Variants in NCAM2 observed in about 807,000 individuals in gnomAD.
NCAM2 encodes N-CAM-2.
In NCAM2, 30 loss-of-function variants were observed where a neutral mutation model predicts 98.1. The ratio of observed to expected loss-of-function variants is 0.31; its 90% CI spans 0.23 to 0.41. The LOEUF (loss-of-function observed/expected upper bound fraction) is 0.41. Ranked by LOEUF, NCAM2 falls within the 10% of genes least tolerant of loss-of-function variation. The pLI is 1.00. For missense variants in NCAM2, 867 were observed against 1,005.8 expected (o/e 0.86, Z 1.87); for synonymous variants, 368 against 342.4 (o/e 1.07, Z -0.83).
At chr21:21,435,485 G>A (rs764908820) in intron 12 of NCAM2, among the ~76,000 whole-genome samples, 15 of 152,144 alleles carry the variant, frequency 9.9e-5, no homozygotes, top group Non-Finnish European at 1.0e-4. Context: ...TTTTTCCTCC[G>A]CCTAGTTTTC....
chr21:21,193,580 C>T (rs1041388799), intron 1 of NCAM2, among the ~76,000 whole-genome samples: 5 of 148,198 alleles, frequency 3.4e-5, no homozygotes, highest in Non-Finnish European at 5.9e-5. Flanking sequence ...ACTGCAACCT[C>T]TGCTTCCTGG....
At chr21:21,022,138 G>A (rs1208467488) in intron 1 of NCAM2, among the ~76,000 whole-genome samples, 20 of 151,958 alleles carry the variant, frequency 1.3e-4, no homozygotes, top group Non-Finnish European at 2.9e-5. Context: ...TTAAAGATAA[G>A]CGTGCCCTTT....
At chr21:21,024,857 AGCCTGG>A (rs1267058575) in intron 1 of NCAM2, among the ~76,000 whole-genome samples, 1 of 151,862 alleles carries the variant, frequency 6.6e-6, no homozygotes, top group Non-Finnish European at 1.5e-5. Flanking sequence ...ACTTCACTCC[AGCCTGG>A]GCCAGAGAGG....
chr21:21,100,078 AAAC>A (rs1367505475), intron 1 of NCAM2, among the ~76,000 whole-genome samples: 2 of 151,996 alleles, frequency 1.3e-5, no homozygotes, highest in African/African-American at 4.8e-5. Context: ...ACATAGCCAA[AAAC>A]AGCAAAGAAA....
intron 1 of NCAM2, among the ~76,000 whole-genome samples, chr21:21,190,175 T>A (rs543864391): frequency 6.6e-6 from 1 of 152,244 alleles, no homozygotes; most frequent in East Asian, 1.9e-4. Context: ...CAGGCAGAAG[T>A]GGGGGAGAAA....
At chr21:21,048,977 T>C (rs893942196) in intron 1 of NCAM2, among the ~76,000 whole-genome samples, 10 of 151,642 alleles carry the variant, frequency 6.6e-5, no homozygotes, top group African/African-American at 2.4e-4. Context: ...TAGGAAATTT[T>C]ATATACTTTC....
intron 1 of NCAM2, among the ~76,000 whole-genome samples, chr21:21,214,803 A>G (rs1467259352): frequency 1.4e-5 from 2 of 146,492 alleles, no homozygotes; most frequent in African/African-American, 5.0e-5. Context: ...ACATATAGGT[A>G]TATATGTGTA....
chr21:21,180,216 C>G (rs2146903686), intron 1 of NCAM2, among the ~76,000 whole-genome samples: 1 of 152,262 alleles, frequency 6.6e-6, no homozygotes, highest in Middle Eastern at 3.4e-3. Context: ...CACAGTGTTA[C>G]ATTTTTCCAA....
Position 21,097,103 on chromosome 21 carries a change from A to G in NCAM2, c.55+98485A>G, listed in dbSNP as rs1050895634. Among the ~76,000 whole-genome samples, 15 of 151,802 alleles carry G rather than the reference A, an allele frequency of 9.9e-5. No individual in the cohort carries two copies. The East Asian group carries it at 2.9e-3, about 29-fold the overall frequency. ...TTCTTTCATTATACGTTTTTGGTAAACATCACGTGGGTTTTTCACTGGGAA... is the reference window on the plus strand; with the variant it reads ...TTCTTTCATTATACGTTTTTGGTAAGCATCACGTGGGTTTTTCACTGGGAA... On this transcript the variant is annotated intron_variant, in intron 1 of 17. Coordinates refer to ENST00000400546, the MANE Select transcript of NCAM2 (RefSeq NM_004540.5).
In NCAM2 at chr21:21,262,295, C is replaced by T. The variant is rs114368068; in HGVS notation, c.56-18283C>T. Among the ~76,000 whole-genome samples, 470 of 152,192 alleles carry T rather than the reference C, an allele frequency of 3.1e-3. 5 individuals are homozygous for T. Among genetic ancestry groups the T allele is most frequent in the African/African-American group, 0.011 (454 of 41,520 alleles). ...CCAGATGTACAAAGCAGAGCTAGTA[C>T]TAATCTTATTGAATATGTTTCTAAA... On this transcript the variant is annotated intron_variant, in intron 1 of 17. Transcript: ENST00000400546.
intron 1 of NCAM2, among the ~76,000 whole-genome samples, chr21:21,242,693 T>C (rs1457602061): frequency 6.6e-6 from 1 of 152,210 alleles, no homozygotes; most frequent in Non-Finnish European, 1.5e-5. Flanking sequence ...TAGTATTCCA[T>C]TGTGTATATA....
intron 14 of NCAM2, among the ~76,000 whole-genome samples, chr21:21,472,100 G>A (rs1459965569): frequency 7.2e-5 from 11 of 151,936 alleles, no homozygotes; most frequent in Non-Finnish European, 4.4e-5. Flanking sequence ...ATTTTTACAT[G>A]TTTCCATGAG....
At chr21:21,377,613 A>C (rs1370389745) in intron 9 of NCAM2, among the ~76,000 whole-genome samples, 1 of 151,840 alleles carries the variant, frequency 6.6e-6, no homozygotes, top group East Asian at 1.9e-4. Context: ...GTACAATGTA[A>C]TTTTTGTTAT....
chr21:21,312,895 T>A (rs1282575844), intron 5 of NCAM2, among the ~76,000 whole-genome samples: 1 of 151,866 alleles, frequency 6.6e-6, no homozygotes, highest in African/African-American at 2.4e-5. Context: ...AATGTATTTT[T>A]TATATTTCTT....
intron 1 of NCAM2, among the ~76,000 whole-genome samples, chr21:21,248,995 T>C (rs1014635308): frequency 1.3e-5 from 2 of 152,046 alleles, no homozygotes; most frequent in Non-Finnish European, 2.9e-5. Context: ...GTTATAAAAA[T>C]ATCTTGAAGG....
intron 1 of NCAM2, among the ~76,000 whole-genome samples, chr21:21,240,004 T>G (rs1006777682): frequency 2.6e-5 from 4 of 152,128 alleles, no homozygotes; most frequent in Admixed American, 2.6e-4. Flanking sequence ...TGTTTCTGTC[T>G]CTTAAGCTTA....
chr21:21,316,012 A>G (rs544584897), intron 5 of NCAM2, among the ~76,000 whole-genome samples: 1 of 152,328 alleles, frequency 6.6e-6, no homozygotes, highest in East Asian at 1.9e-4. Context: ...ATATATTAAC[A>G]AAGTGATTTT....
chr21:21,180,153 T>A (rs2068423229), intron 1 of NCAM2, among the ~76,000 whole-genome samples: 1 of 152,122 alleles, frequency 6.6e-6, no homozygotes, highest in Non-Finnish European at 1.5e-5. Flanking sequence ...CAAAGGACGT[T>A]CCAATGGGTG....
intron 1 of NCAM2, among the ~76,000 whole-genome samples, chr21:21,075,175 C>T (rs8132378): frequency 0.037 from 5,640 of 151,992 alleles, 327 homozygotes; most frequent in African/African-American, 0.13. Context: ...CATCACACAC[C>T]GGGGCTTGTT....
Sources: allele counts gnomAD v4.1 joint callset (sites outside exome capture counted in the v4.1 genomes callset), GRCh38; gene constraint gnomAD v4.1.1; transcripts MANE v1.5; gene names NCBI Gene and HGNC (gene_info 2026-07-23, HGNC 2026-07-21).